MACROD2: variants seen among roughly 807,000 people sequenced by gnomAD.
MACROD2 encodes ADP-ribose glycohydrolase MACROD2.
In MACROD2, 36 loss-of-function variants were observed where a neutral mutation model predicts 70.4. That is an observed-to-expected ratio of 0.51 (90% CI 0.39 to 0.68). The LOEUF (loss-of-function observed/expected upper bound fraction) is 0.68. MACROD2 is among the 30% of genes least tolerant of loss of function. The probability of loss-of-function intolerance (pLI) is 0.00; values close to 1 mark genes in which losing one functional copy is unlikely to be tolerated. For missense variants in MACROD2, 496 were observed against 538.4 expected (o/e 0.92, Z 0.78); for synonymous variants, 172 against 178.8 (o/e 0.96, Z 0.30).
At chr20:15,615,654 C>T (rs1056824738) in intron 8 of MACROD2, among the ~76,000 whole-genome samples, 1 of 152,138 alleles carries the variant, frequency 6.6e-6, no homozygotes, top group Non-Finnish European at 1.5e-5. Flanking sequence ...ACCACACCCA[C>T]CATGGTCCAA....
intron 5 of MACROD2, among the ~76,000 whole-genome samples, chr20:14,777,827 A>G (rs6131607): frequency 0.053 from 8,066 of 152,170 alleles, 343 homozygotes; most frequent in East Asian, 0.17. Flanking sequence ...AGCAGTTTCA[A>G]CTTATCAGGT....
intron 7 of MACROD2, among the ~76,000 whole-genome samples, chr20:15,475,826 C>G (rs1383464219): frequency 1.3e-5 from 2 of 152,198 alleles, no homozygotes; most frequent in African/African-American, 4.8e-5. Flanking sequence ...AAGGGTAATT[C>G]TGATGGCAGA....
In MACROD2 at chr20:15,501,589, T is replaced by C. The variant is rs191542788; in HGVS notation, c.645+1742T>C. Reference sequence around the variant, plus strand: ...CTTTGAGTCCATTCTTTTGCTTTCATATCCTTTTATTTTTCTGCTAATTTC... The same window carrying C: ...CTTTGAGTCCATTCTTTTGCTTTCACATCCTTTTATTTTTCTGCTAATTTC... On this transcript the variant is annotated intron_variant, in intron 8 of 17. Coordinates refer to ENST00000684519, the MANE Select transcript of MACROD2 (RefSeq NM_001351661.2). Among the ~76,000 whole-genome samples, 513 of 152,354 alleles carry C rather than the reference T, an allele frequency of 3.4e-3. 2 individuals carry two copies. Among genetic ancestry groups the C allele is most frequent in the African/African-American group, 0.011 (440 of 41,592 alleles).
chr20:14,107,633 A>G (rs896554974), intron 3 of MACROD2, among the ~76,000 whole-genome samples: 3 of 152,196 alleles, frequency 2.0e-5, no homozygotes, highest in African/African-American at 4.8e-5. Context: ...TCCTAAAAGC[A>G]GAAAGAGAAA....
At chr20:16,021,578 G>T (rs907898839) in intron 15 of MACROD2, among the ~76,000 whole-genome samples, 1 of 152,172 alleles carries the variant, frequency 6.6e-6, no homozygotes, top group Non-Finnish European at 1.5e-5. Flanking sequence ...TGCCCAGATG[G>T]ATAGTGCATT....
At chr20:15,831,898 A>AT (rs1490854951) in intron 8 of MACROD2, among the ~76,000 whole-genome samples, 1 of 152,152 alleles carries the variant, frequency 6.6e-6, no homozygotes, top group Non-Finnish European at 1.5e-5. Flanking sequence ...CCAACTCCTG[A>AT]TTTCATGTGC....
At chr20:15,162,385 A>T (rs1164231243) in intron 5 of MACROD2, among the ~76,000 whole-genome samples, 2 of 152,068 alleles carry the variant, frequency 1.3e-5, no homozygotes, top group African/African-American at 4.8e-5. Flanking sequence ...AGATGTTTGC[A>T]TAAAGTTAGA....
intron 8 of MACROD2, among the ~76,000 whole-genome samples, chr20:15,666,065 C>T (rs2049893772): frequency 6.6e-6 from 1 of 151,664 alleles, no homozygotes; most frequent in African/African-American, 2.4e-5. Context: ...TTGTAATTAA[C>T]AAGGTAGTTA....
At chr20:15,520,366 A>G (rs1362984373) in intron 8 of MACROD2, among the ~76,000 whole-genome samples, 2 of 152,212 alleles carry the variant, frequency 1.3e-5, no homozygotes, top group Non-Finnish European at 2.9e-5. Flanking sequence ...CTTCCCCAAC[A>G]TGGTGGAACC....
At chr20:15,945,130 C>T (rs1438620284) in intron 12 of MACROD2, among the ~76,000 whole-genome samples, 2 of 152,166 alleles carry the variant, frequency 1.3e-5, no homozygotes, top group Non-Finnish European at 1.5e-5. Context: ...ATAGCACCTA[C>T]CTAAAAAATA....
intron 3 of MACROD2, chr20:14,127,810 G>C: frequency 2.2e-6 from 1 of 461,282 alleles, no homozygotes; most frequent in South Asian, 1.8e-5. Flanking sequence ...GAAGAGAAAG[G>C]AGAGAAGGAG....
At chr20:14,299,236 C>T (rs866191596) in intron 3 of MACROD2, among the ~76,000 whole-genome samples, 2 of 152,264 alleles carry the variant, frequency 1.3e-5, no homozygotes. Flanking sequence ...CAAGACCCTC[C>T]ACCTGCAATA....
intron 5 of MACROD2, among the ~76,000 whole-genome samples, chr20:15,133,663 T>C (rs2076123248): frequency 6.6e-6 from 1 of 152,120 alleles, no homozygotes. Flanking sequence ...GAGAGGAATT[T>C]ACCCTCAGCA....
At chr20:14,580,497 A>C (rs1347761845) in intron 4 of MACROD2, among the ~76,000 whole-genome samples, 1 of 152,152 alleles carries the variant, frequency 6.6e-6, no homozygotes. Flanking sequence ...TGTTATTTGC[A>C]ACTGTCAAGC....
chr20:14,875,254 G>A (rs1214188792), intron 5 of MACROD2, among the ~76,000 whole-genome samples: 1 of 151,900 alleles, frequency 6.6e-6, no homozygotes, highest in Non-Finnish European at 1.5e-5. Context: ...GGTGGCACGT[G>A]CCTGTAGTTC....
At chr20:14,208,230 C>T (rs1054515406) in intron 3 of MACROD2, among the ~76,000 whole-genome samples, 22 of 152,062 alleles carry the variant, frequency 1.4e-4, no homozygotes, top group African/African-American at 5.3e-4. Flanking sequence ...ATTACAGGGT[C>T]TTGGGTATAT....
intron 5 of MACROD2, among the ~76,000 whole-genome samples, chr20:14,778,804 A>G (rs1264477595): frequency 2.0e-5 from 3 of 152,136 alleles, no homozygotes; most frequent in Non-Finnish European, 4.4e-5. Flanking sequence ...TCCTTGTGAC[A>G]TCTGGAATCA....
At chr20:14,470,799 A>T (rs13045655) in intron 3 of MACROD2, among the ~76,000 whole-genome samples, 1 of 152,104 alleles carries the variant, frequency 6.6e-6, no homozygotes, top group Non-Finnish European at 1.5e-5. Flanking sequence ...ATCCCAGGTC[A>T]GCTTCAGACT....
intron 2 of MACROD2, among the ~76,000 whole-genome samples, chr20:14,023,916 G>GT (rs2053122407): frequency 6.6e-6 from 1 of 152,250 alleles, no homozygotes; most frequent in South Asian, 2.1e-4. Context: ...ATTTAAAGTA[G>GT]TTTTTTCCAA....
Sources: gnomAD v4.1 joint callset for allele counts (sites outside exome capture counted in the v4.1 genomes callset) on GRCh38, gnomAD v4.1.1 for gene constraint, MANE v1.5 for transcripts, NCBI Gene and HGNC (gene_info 2026-07-23, HGNC 2026-07-21) for gene names.